Variants in KLF7 observed in about 807,000 individuals in gnomAD.
KLF7 encodes the protein KLF transcription factor 7.
Under a neutral mutation model 27.3 loss-of-function variants are expected in KLF7, and 2 were observed. The observed-to-expected ratio is 0.07, with a 90% confidence interval of 0.03 to 0.23. The LOEUF is 0.23. Among genes scored for constraint, KLF7 ranks in the 10% least tolerant of loss-of-function variants. The probability of loss-of-function intolerance (pLI) is 1.00; values close to 1 mark genes in which losing one functional copy is unlikely to be tolerated. For synonymous variants in KLF7, 165 were observed against 162.4 expected, an observed-to-expected ratio of 1.02 and a Z score of -0.12; for missense variants, 221 against 394.1, an observed-to-expected ratio of 0.56 and a Z score of 3.72.
chr2:207,150,238 G>A (rs2078205299), intron 1 of KLF7, among the ~76,000 whole-genome samples: 1 of 152,180 alleles, frequency 6.6e-6, no homozygotes, highest in African/African-American at 2.4e-5. Context: ...ATACAATACT[G>A]TATTCCACAG....
At chr2:207,130,983 C>T (rs1395083550) in intron 1 of KLF7, among the ~76,000 whole-genome samples, 3 of 152,218 alleles carry the variant, frequency 2.0e-5, no homozygotes, top group Non-Finnish European at 4.4e-5. Context: ...GGTCCTTTAG[C>T]CAGCTGCCCT....
intron 1 of KLF7, among the ~76,000 whole-genome samples, chr2:207,160,674 T>C (rs997892803): frequency 1.3e-5 from 2 of 152,312 alleles, no homozygotes; most frequent in Middle Eastern, 3.4e-3. Flanking sequence ...GCAAGAATTC[T>C]CTGAAGAGAG....
intron 2 of KLF7, among the ~76,000 whole-genome samples, chr2:207,109,293 T>G (rs962163455): frequency 3.9e-5 from 6 of 152,232 alleles, no homozygotes; most frequent in African/African-American, 1.4e-4. Context: ...TATTCTGAAT[T>G]AGTAGTTATA....
Position 207,165,521 on chromosome 2 carries a change from G to A in KLF7, c.48C>T (p.Val16=), listed in dbSNP as rs1208151582. ...SYSIFQELQL[V]HDTGYFSALP... ...AAGCTGAGAAGTAGCCGGTGTCGTG[G>A]ACAAGTTGTAGCTCCTGGAATATAC... Residue 16 remains valine, a synonymous_variant, in exon 1 of 4, where the codon GTC becomes GTT. Coordinates refer to ENST00000309446, the MANE Select transcript of KLF7 (RefSeq NM_003709.4). The A allele has an allele frequency of 1.1e-5, 17 of 1,614,078 alleles. No homozygotes were observed. Among genetic ancestry groups the A allele is most frequent in the Non-Finnish European group, 1.4e-5 (17 of 1,180,000 alleles).
intron 3 of KLF7, among the ~76,000 whole-genome samples, chr2:207,082,569 G>A (rs1263596): frequency 0.46 from 70,381 of 152,000 alleles, 16,532 homozygotes; most frequent in Middle Eastern, 0.53. Context: ...ATCCCTGCAG[G>A]CTTCAATCTC....
At chr2:207,165,372 A>G in intron 1 of KLF7, 95 bp downstream of exon 1, 1 of 1,553,600 alleles carries the variant, frequency 6.4e-7, no homozygotes, top group Non-Finnish European at 8.7e-7. Context: ...AAGTCAAACA[A>G]ACAAACAAAA....
chr2:207,135,492 C>T (rs1289777908), intron 1 of KLF7, among the ~76,000 whole-genome samples: 2 of 152,106 alleles, frequency 1.3e-5, no homozygotes, highest in African/African-American at 4.8e-5. Context: ...ACATCTAAAA[C>T]GTAAACTTCA....
At chr2:207,104,734 T>A (rs2076842527) in intron 2 of KLF7, among the ~76,000 whole-genome samples, 1 of 152,228 alleles carries the variant, frequency 6.6e-6, no homozygotes, top group Admixed American at 6.5e-5. Flanking sequence ...AGAATTCACA[T>A]GCTTAACCAC....
At chr2:207,128,541 T>C (rs1238996192) in intron 1 of KLF7, among the ~76,000 whole-genome samples, 2 of 152,168 alleles carry the variant, frequency 1.3e-5, no homozygotes, top group Non-Finnish European at 2.9e-5. Flanking sequence ...CCGAACAAAA[T>C]ATTTATTTGT....
chr2:207,131,554 C>T (rs1193873695), intron 1 of KLF7, among the ~76,000 whole-genome samples: 1 of 152,164 alleles, frequency 6.6e-6, no homozygotes, highest in African/African-American at 2.4e-5. Flanking sequence ...AATACTCATT[C>T]TTTTCTAACT....
intron 2 of KLF7, among the ~76,000 whole-genome samples, chr2:207,122,281 T>C (rs2077360851): frequency 6.6e-6 from 1 of 152,142 alleles, no homozygotes. Flanking sequence ...ATAAACATTA[T>C]GTTAGGAGAC....
chr2:207,131,369 TAAAG>T (rs2077629673), intron 1 of KLF7, among the ~76,000 whole-genome samples: 1 of 152,228 alleles, frequency 6.6e-6, no homozygotes, highest in Non-Finnish European at 1.5e-5. Context: ...GAGTTTCAAG[TAAAG>T]AAAGAGAGAA....
chr2:207,086,151 A>G (rs1354483094), intron 3 of KLF7, among the ~76,000 whole-genome samples: 1 of 152,064 alleles, frequency 6.6e-6, no homozygotes, highest in African/African-American at 2.4e-5. Context: ...TTTAAGAGAC[A>G]AGAGGTGGTG....
Position 207,146,854 on chromosome 2 carries a change from C to A in KLF7, c.102+18613G>T, listed in dbSNP as rs375086010. Among the ~76,000 whole-genome samples, 4 of 152,208 alleles carry A rather than the reference C, an allele frequency of 2.6e-5. No homozygotes were observed. In the South Asian group the frequency reaches 6.2e-4, roughly 24 times the overall value. On this transcript the variant is annotated intron_variant, in intron 1 of 3. Transcript: ENST00000309446. ...TGGGGGAAGCAGCTTGGGGCCAGAA[C>A]ATGAATGCCCCACTGATGCCCAGAT...
At chr2:207,119,135 TA>T (rs2105969085) in intron 2 of KLF7, among the ~76,000 whole-genome samples, 1 of 152,320 alleles carries the variant, frequency 6.6e-6, no homozygotes, top group South Asian at 2.1e-4. Flanking sequence ...CTTCAGTCTA[TA>T]GAGAGAGTCC....
At chr2:207,169,624 T>C (rs1455917381), upstream of KLF7, among the ~76,000 whole-genome samples, 4 of 152,344 alleles carry the variant, frequency 2.6e-5, no homozygotes, top group East Asian at 7.7e-4. Context: ...AATCGAAGGT[T>C]TGTGGCAACC....
At chr2:207,147,326 A>T (rs968845404) in intron 1 of KLF7, among the ~76,000 whole-genome samples, 6 of 152,212 alleles carry the variant, frequency 3.9e-5, no homozygotes, top group Non-Finnish European at 8.8e-5. Flanking sequence ...AAAAGCAATG[A>T]TCATATATGA....
At position 207,124,033 on chromosome 2, in the gene KLF7, C is replaced by G; in HGVS notation, c.474G>C (p.Val158=). Residue 158 remains valine (V), a synonymous_variant, in exon 2 of 4, where the codon GTG becomes GTC. Coordinates refer to ENST00000309446, the MANE Select transcript of KLF7 (RefSeq NM_003709.4). ...CCAGTTTCAACGTCACCGTGCCATC[C>G]ACGGCAGAGAGAGTTTGTGAGGTTT... ...LVKTSQTLSA[V]DGTVTLKLVA... is the part of the protein sequence containing the mutation. 1.2e-6 allele frequency: 2 copies of G among 1,614,138 alleles called. No homozygotes were observed. The highest frequency in any genetic ancestry group is 1.3e-5 in the African/African-American group (1 of 75,018).
At chr2:207,166,972 C>T (rs2078734245), upstream of KLF7, 4 of 574,080 alleles carry the variant, frequency 7.0e-6, no homozygotes, top group African/African-American at 4.0e-5. Flanking sequence ...CCCGCGCCTC[C>T]TTCTGACCCC....
Sources: gnomAD v4.1 joint callset for allele counts (sites outside exome capture counted in the v4.1 genomes callset) on GRCh38, gnomAD v4.1.1 for gene constraint, MANE v1.5 for transcripts, NCBI Gene and HGNC (gene_info 2026-07-23, HGNC 2026-07-21) for gene names.